The following DOCK9 variants were observed in gnomAD, a reference collection of about 807,000 sequenced individuals.
DOCK9 encodes dedicator of cytokinesis protein 9.
In DOCK9, 89 loss-of-function variants were observed where a neutral mutation model predicts 263.3. The observed-to-expected ratio is 0.34, with a 90% CI of 0.28 to 0.40. DOCK9 has a LOEUF of 0.40. DOCK9 is among the 10% of genes least tolerant of loss of function. The pLI is 1.00. For synonymous variants in DOCK9, 976 were observed against 973.1 expected, an observed-to-expected ratio of 1.00 and a Z score of -0.06; for missense variants, 2,140 against 2,603.4, an observed-to-expected ratio of 0.82 and a Z score of 3.87.
chr13:99,018,618 T>C (rs554579585), intron 1 of DOCK9, among the ~76,000 whole-genome samples: 1 of 152,336 alleles, frequency 6.6e-6, no homozygotes, highest in East Asian at 1.9e-4. Context: ...AGTGAAGTAT[T>C]CAGAAACAGG....
intron 1 of DOCK9, among the ~76,000 whole-genome samples, chr13:99,003,450 T>C (rs1439752914): frequency 1.3e-5 from 2 of 152,102 alleles, no homozygotes; most frequent in African/African-American, 4.8e-5. Context: ...ACCAGACATC[T>C]GTCTGTGCTG....
chr13:98,946,639 T>G (rs2056754033), intron 2 of DOCK9, among the ~76,000 whole-genome samples: 1 of 152,214 alleles, frequency 6.6e-6, no homozygotes, highest in Non-Finnish European at 1.5e-5. Context: ...ATCTTCGATC[T>G]CTTCTCCATG....
intron 2 of DOCK9, among the ~76,000 whole-genome samples, chr13:98,932,919 TG>T (rs1406150680): frequency 1.3e-5 from 2 of 152,128 alleles, no homozygotes; most frequent in Non-Finnish European, 2.9e-5. Flanking sequence ...TCTGTTCTTG[TG>T]AAATGCCACA....
chr13:98,848,502 C>A, intron 37 of DOCK9, 90 bp downstream of exon 37: 1 of 1,402,552 alleles, frequency 7.1e-7, no homozygotes, highest in Non-Finnish European at 9.8e-7. Flanking sequence ...TGAACCCCAA[C>A]TGCCAACCGC....
In DOCK9 at chr13:98,807,762, G is replaced by A. The variant is rs746218574; in HGVS notation, c.5413C>T (p.Pro1805Ser). 3.1e-6 allele frequency: 5 copies of A among 1,613,252 alleles called. No individual in the cohort carries two copies. The highest frequency in any genetic ancestry group is 1.3e-5 in the African/African-American group (1 of 74,898). Residue 1805 changes from proline (P) to serine (S), a missense_variant, in exon 48 of 53, where the codon CCC becomes TCC. By Grantham distance (74) the Pro-to-Ser change is moderately conservative. Around this residue, in one of 2 missense-constraint regions of DOCK9, gnomAD observed 619 missense variants for 861.8 expected, o/e 0.72. Coordinates refer to ENST00000682017, the MANE Select transcript of DOCK9 (RefSeq NM_001366683.2). ...EDGKEYIYKE[P>S]KLTPLSEISQ... ...ATTTCCGACAGCGGTGTGAGTTTGGGTTCCTTGTAAATATACTCCTTTCCA... is the reference window on the plus strand; with the variant it reads ...ATTTCCGACAGCGGTGTGAGTTTGGATTCCTTGTAAATATACTCCTTTCCA...
At chr13:98,858,396 C>A (rs771700633) in intron 33 of DOCK9, 2 of 152,162 alleles carry the variant, frequency 1.3e-5, no homozygotes, top group African/African-American at 2.4e-5. Context: ...GATCCAAAGA[C>A]ATTTAAAAAA....
intron 1 of DOCK9, among the ~76,000 whole-genome samples, chr13:99,050,950 G>A (rs2040664346): frequency 6.6e-6 from 1 of 152,234 alleles, no homozygotes; most frequent in Non-Finnish European, 1.5e-5. Context: ...GTAAGGCCAA[G>A]CACAAGCAGC....
At chr13:98,996,366 C>T (rs567183393) in intron 1 of DOCK9, among the ~76,000 whole-genome samples, 1 of 152,326 alleles carries the variant, frequency 6.6e-6, no homozygotes, top group African/African-American at 2.4e-5. Context: ...GTAGTACTAA[C>T]AGCAATTCAT....
At chr13:98,895,183 A>C (rs1313562387) in intron 15 of DOCK9, among the ~76,000 whole-genome samples, 1 of 151,082 alleles carries the variant, frequency 6.6e-6, no homozygotes, top group African/African-American at 2.4e-5. Context: ...GGGAAGAGTT[A>C]AATAATCTAT....
At chr13:98,983,591 G>C (rs1440884083) in intron 1 of DOCK9, among the ~76,000 whole-genome samples, 1 of 151,802 alleles carries the variant, frequency 6.6e-6, no homozygotes, top group Admixed American at 6.6e-5. Context: ...CTGATATAAA[G>C]TCTCATGCCC....
chr13:98,987,606 C>G (rs1878768886), intron 1 of DOCK9, among the ~76,000 whole-genome samples: 1 of 152,180 alleles, frequency 6.6e-6, no homozygotes. Context: ...AGCTAGAAGT[C>G]AATACTTTTT....
intron 1 of DOCK9, among the ~76,000 whole-genome samples, chr13:99,062,119 A>G (rs1397714004): frequency 6.6e-6 from 1 of 151,978 alleles, no homozygotes; most frequent in Non-Finnish European, 1.5e-5. Flanking sequence ...TGGTCCTCCC[A>G]CCTTGGTCTC....
rs767311313 is a variant in DOCK9, at chr13:98,914,426, C to T, written c.893-31G>A. 1.2e-5 allele frequency: 19 copies of T among 1,580,110 alleles called. No homozygotes were observed. In the South Asian group the frequency reaches 2.0e-4, roughly 16 times the overall value. ...ATGGCAAAACAGATTATCGGAATCA[C>T]TTGTAATTCATAGCATTTCATTTGA... On this transcript the variant is annotated intron_variant, in intron 8 of 52. Transcript: ENST00000682017.
intron 32 of DOCK9, among the ~76,000 whole-genome samples, chr13:98,860,886 C>T (rs1157245139): frequency 6.6e-6 from 1 of 152,166 alleles, no homozygotes; most frequent in Non-Finnish European, 1.5e-5. Flanking sequence ...GCCTCCCCTG[C>T]TCTTTCTAAC....
At chr13:99,076,797 C>T (rs183801313) in intron 1 of DOCK9, among the ~76,000 whole-genome samples, 1 of 151,972 alleles carries the variant, frequency 6.6e-6, no homozygotes, top group Non-Finnish European at 1.5e-5. Flanking sequence ...CCAGGCCCTG[C>T]GAAAACCACG....
At chr13:99,023,439 A>C (rs995658736) in intron 1 of DOCK9, among the ~76,000 whole-genome samples, 2 of 152,250 alleles carry the variant, frequency 1.3e-5, no homozygotes, top group African/African-American at 4.8e-5. Context: ...AAATTCATAG[A>C]AACAGAAAGT....
In DOCK9 at chr13:98,825,988, T is replaced by C. The variant is rs1594387414; in HGVS notation, c.5023+842A>G. On this transcript the variant is annotated intron_variant, in intron 44 of 52. Coordinates refer to ENST00000682017, the MANE Select transcript of DOCK9 (RefSeq NM_001366683.2). This position sits in a 1 kb window ranked among gnomAD's most constrained non-coding sequence, Gnocchi z 4.1. ...CCTGATAAAAGGTCTCAACAGGAAA[T>C]AGTACCGGTATTAAATGAACATGGA... 7.1e-7 allele frequency: 1 copy of C among 1,404,448 alleles called. No individual in the cohort carries two copies. Among genetic ancestry groups the C allele is most frequent in the Admixed American group, 2.7e-5 (1 of 36,848 alleles). The allele number at this position is 1,404,448 out of a possible 1,614,324, so 87.0% of individuals were successfully genotyped here.
intron 27 of DOCK9, among the ~76,000 whole-genome samples, chr13:98,877,219 A>G (rs1364491264): frequency 6.6e-6 from 1 of 152,214 alleles, no homozygotes; most frequent in Non-Finnish European, 1.5e-5. Flanking sequence ...TTCACAGTCT[A>G]TGCTTCTGTC....
chr13:98,988,573 C>G (rs1567175821), intron 1 of DOCK9, among the ~76,000 whole-genome samples: 2 of 152,114 alleles, frequency 1.3e-5, no homozygotes, highest in African/African-American at 4.8e-5. Context: ...ATTCCTTGAC[C>G]AGACAGACAA....
Sources: gnomAD v4.1 joint callset for allele counts (sites outside exome capture counted in the v4.1 genomes callset) on GRCh38, gnomAD v4.1.1 for gene constraint, gnomAD v4.1.1 regional missense constraint, Gnocchi (gnomAD v3.1) non-coding constraint, MANE v1.5 for transcripts, NCBI Gene and HGNC (gene_info 2026-07-23, HGNC 2026-07-21) for gene names.